RRM2: variants seen among roughly 807,000 people sequenced by gnomAD.
The protein encoded by RRM2 is ribonucleoside-diphosphate reductase subunit M2.
In RRM2, 6 loss-of-function variants were observed where a neutral mutation model predicts 45.9. The observed-to-expected ratio is 0.13, with a 90% CI of 0.07 to 0.26. The LOEUF is 0.26. RRM2 is among the 10% of genes least tolerant of loss of function. The pLI is 1.00. For missense variants in RRM2, 343 were observed against 489.5 expected (o/e 0.70, Z 2.82); for synonymous variants, 177 against 173.0 (o/e 1.02, Z -0.18).
chr2:10,200,445 T>C, intron 3 of RRM2, among the ~76,000 whole-genome samples: 1 of 137,544 alleles, frequency 7.3e-6, no homozygotes, highest in Non-Finnish European at 1.6e-5. Context: ...GCGCAAAATA[T>C]GAGGCCCACA....
chr2:10,191,758 C>T (rs1484662105), intron 3 of RRM2, among the ~76,000 whole-genome samples: 4 of 152,106 alleles, frequency 2.6e-5, no homozygotes, highest in Admixed American at 6.5e-5. Context: ...CACGGCCATG[C>T]GCACTGGGAA....
In RRM2 at chr2:10,185,480, G is replaced by T. The variant is rs116696990; in HGVS notation, n.483-24831G>T. Among the ~76,000 whole-genome samples, 2 of 152,226 alleles carry T rather than the reference G, an allele frequency of 1.3e-5. No homozygotes were observed. Among genetic ancestry groups the T allele is most frequent in the Non-Finnish European group, 2.9e-5 (2 of 68,030 alleles). On this transcript the variant is annotated intron_variant and non_coding_transcript_variant, in intron 3 of 3. Coordinates refer to the RRM2 transcript ENST00000381786. The surrounding 1 kb of genome is among the most constrained non-coding windows in gnomAD (Gnocchi z 4.3). ...AGAATAATAGAAAAGCCCAGCGTGC[G>T]ACATCAGTGTCAACAGAGGTCCATA...
intron 3 of RRM2, among the ~76,000 whole-genome samples, chr2:10,200,807 C>A (rs1343388735): frequency 6.6e-6 from 1 of 152,182 alleles, no homozygotes; most frequent in Non-Finnish European, 1.5e-5. Context: ...CAGTCAAAGC[C>A]TTGCTAAAAC....
chr2:10,150,813 A>G (rs1663295871), intron 3 of RRM2, among the ~76,000 whole-genome samples: 1 of 85,482 alleles, frequency 1.2e-5, no homozygotes, highest in East Asian at 2.6e-4. Flanking sequence ...CTCACTTAGC[A>G]TAGTTTTTTT....
downstream of RRM2, chr2:10,131,431 A>G (rs1662898539): frequency 1.4e-5 from 2 of 141,886 alleles, no homozygotes; most frequent in South Asian, 4.2e-4. Flanking sequence ...TGATTGGTAA[A>G]ATTTGCATTT....
intron 3 of RRM2, among the ~76,000 whole-genome samples, chr2:10,201,855 C>T (rs1024062330): frequency 6.6e-6 from 1 of 152,180 alleles, no homozygotes; most frequent in Non-Finnish European, 1.5e-5. Context: ...AGCACCATTT[C>T]GTATTTGACA....
chr2:10,193,928 A>T (rs971146096), intron 3 of RRM2, among the ~76,000 whole-genome samples: 3 of 152,174 alleles, frequency 2.0e-5, no homozygotes, highest in Non-Finnish European at 4.4e-5. Context: ...CATTTAGATT[A>T]TGGCTGCTCC....
chr2:10,183,217 G>C (rs1478615507), intron 3 of RRM2, among the ~76,000 whole-genome samples: 1 of 152,202 alleles, frequency 6.6e-6, no homozygotes, highest in East Asian at 1.9e-4. Flanking sequence ...TGAGCATTGA[G>C]AGCATGGCCA....
At position 10,172,808 on chromosome 2, in the gene RRM2, T is replaced by C. The variant is rs1176869830; in HGVS notation, n.482+30433T>C. ...AAAACAATGAAGAATTTCAAGATGG[T>C]GGCAGCAGAGCCTGAAACCGAGCTC... On this transcript the variant is annotated intron_variant and non_coding_transcript_variant, in intron 3 of 3. Transcript: ENST00000381786. The surrounding 1 kb of genome is among the most constrained non-coding windows in gnomAD (Gnocchi z 4.9). Among the ~76,000 whole-genome samples the C allele has an allele frequency of 1.3e-5, 2 of 152,142 alleles. No individual in the cohort carries two copies. The highest frequency in any genetic ancestry group is 1.3e-4 in the Admixed American group (2 of 15,272).
chr2:10,127,825 T>C lies in RRM2; in HGVS notation c.798+605T>C, dbSNP rs967132193. Among the ~76,000 whole-genome samples, 4 of 152,080 alleles carry C rather than the reference T, an allele frequency of 2.6e-5. No individual in the cohort carries two copies. The highest frequency in any genetic ancestry group is 9.7e-5 in the African/African-American group (4 of 41,426). ...TGGGATTGGGATTTTAAGGGATGTT[T>C]TATTATTTTTGCCTGGTATTAATAT... On this transcript the variant is annotated intron_variant, in intron 7 of 9. Coordinates refer to ENST00000304567, the MANE Select transcript of RRM2 (RefSeq NM_001034.4). This position sits in a 1 kb window ranked among gnomAD's most constrained non-coding sequence, Gnocchi z 4.1.
At chr2:10,156,977 G>A (rs559094211) in intron 3 of RRM2, among the ~76,000 whole-genome samples, 1 of 147,698 alleles carries the variant, frequency 6.8e-6, no homozygotes, top group South Asian at 2.2e-4. Context: ...ATCAATGGTA[G>A]TGTGTTGGAG....
At chr2:10,179,141 G>T (rs1171526796) in intron 3 of RRM2, among the ~76,000 whole-genome samples, 2 of 152,046 alleles carry the variant, frequency 1.3e-5, no homozygotes, top group African/African-American at 4.8e-5. Context: ...AGTATGTCTG[G>T]CATTCATCCT....
At chr2:10,142,219 C>T in intron 2 of RRM2, 1 of 1,542,474 alleles carries the variant, frequency 6.5e-7, no homozygotes, top group Non-Finnish European at 8.8e-7. Flanking sequence ...TGCAGGTCTG[C>T]AGACCCAGGT....
chr2:10,178,576 C>A (rs1663980540), intron 3 of RRM2, among the ~76,000 whole-genome samples: 1 of 152,164 alleles, frequency 6.6e-6, no homozygotes, highest in South Asian at 2.1e-4. Flanking sequence ...CTGGCAACCA[C>A]CAATCTGTTC....
chr2:10,187,074 C>A (rs1463633985), intron 3 of RRM2, among the ~76,000 whole-genome samples: 1 of 152,230 alleles, frequency 6.6e-6, no homozygotes. Flanking sequence ...CTTTGCCCAG[C>A]CTCCTGGTCC....
intron 3 of RRM2, among the ~76,000 whole-genome samples, chr2:10,181,753 TC>T (rs1484641084): frequency 7.3e-4 from 52 of 70,974 alleles, no homozygotes; most frequent in African/African-American, 1.6e-3. Flanking sequence ...TCTCTCTCTC[TC>T]TTTTTTTTTT....
chr2:10,170,919 G>A (rs1025308481), intron 3 of RRM2, among the ~76,000 whole-genome samples: 3 of 152,210 alleles, frequency 2.0e-5, no homozygotes, highest in African/African-American at 7.2e-5. Flanking sequence ...GAGAAGTGAC[G>A]TCCTTTAAAA....
At chr2:10,176,138 A>G (rs1307797524) in intron 3 of RRM2, among the ~76,000 whole-genome samples, 2 of 152,230 alleles carry the variant, frequency 1.3e-5, no homozygotes, top group Non-Finnish European at 2.9e-5. Flanking sequence ...GCATCTGCCC[A>G]AGTTTTAGAC....
upstream of RRM2, among the ~76,000 whole-genome samples, chr2:10,137,647 A>G (rs952761289): frequency 4.6e-5 from 7 of 152,198 alleles, no homozygotes; most frequent in Admixed American, 3.3e-4. Flanking sequence ...CACATGCCCA[A>G]ATGGAGCCTC....
Sources: allele counts gnomAD v4.1 joint callset (sites outside exome capture counted in the v4.1 genomes callset), GRCh38; gene constraint gnomAD v4.1.1; non-coding constraint Gnocchi (gnomAD v3.1); transcripts MANE v1.5; gene names NCBI Gene and HGNC (gene_info 2026-07-23, HGNC 2026-07-21).